The following ZNF44 variants were observed in gnomAD, a reference collection of about 807,000 sequenced individuals.
ZNF44 encodes the protein gonadotropin inducible transcription repressor-2.
A neutral mutation model predicts 11.7 loss-of-function variants in ZNF44; 9 were observed. That is an observed-to-expected ratio of 0.77 (90% CI 0.46 to 1.35). The LOEUF (loss-of-function observed/expected upper bound fraction) is 1.35. Among genes scored for constraint, ZNF44 ranks in the 40% most tolerant of loss-of-function variants. The pLI is 0.00. For synonymous variants in ZNF44, 224 were observed against 242.7 expected (o/e 0.92, Z 0.72); for missense variants, 696 against 743.1 (o/e 0.94, Z 0.74).
intron 5 of ZNF44, among the ~76,000 whole-genome samples, chr19:12,256,461 G>A (rs1421671209): frequency 6.6e-6 from 1 of 151,954 alleles, no homozygotes; most frequent in African/African-American, 2.4e-5. Flanking sequence ...CTCCAGCCTG[G>A]GTGACAGAGA....
chr19:12,250,484 T>C (rs1916948057), intron 5 of ZNF44: 1 of 948,292 alleles, frequency 1.1e-6, no homozygotes, highest in South Asian at 1.7e-5. Context: ...ATTTATTCTA[T>C]GAATTTGTTG....
rs1207723643 is a variant in ZNF44 at position 12,259,143 on chromosome 19, G to A, written c.1913-8775C>T. On this transcript the variant is annotated intron_variant and NMD_transcript_variant, in intron 5 of 7. Coordinates refer to the ZNF44 transcript ENST00000393337. ...ACCTACCTTGGCCTCCCAAAGTGCT[G>A]GGATTACAGGCATGAGCCACCGCAC... 3.3e-5 allele frequency among the ~76,000 whole-genome samples: 5 copies of A among 152,188 alleles called. No homozygotes were observed. In the East Asian group the frequency reaches 5.8e-4, roughly 18 times the overall value.
chr19:12,275,543 G>A (rs1285248648), intron 2 of ZNF44, among the ~76,000 whole-genome samples: 3 of 152,086 alleles, frequency 2.0e-5, no homozygotes, highest in African/African-American at 7.2e-5. Context: ...AGCTACTCAG[G>A]AGGCTGAGGC....
downstream of ZNF44, among the ~76,000 whole-genome samples, chr19:12,243,373 G>A (rs545108467): frequency 3.0e-4 from 45 of 152,188 alleles, no homozygotes; most frequent in Middle Eastern, 3.4e-3. Context: ...AGTAACCACC[G>A]TTCCTCCCTC....
In ZNF44 at chr19:12,293,476, G is replaced by GC. The variant is rs1555745796; in HGVS notation, c.3+1215_3+1216insG. The GC allele has an allele frequency of 4.9e-6, 6 of 1,223,442 alleles. No homozygotes were observed. In the East Asian group the frequency reaches 1.6e-4, roughly 32 times the overall value. The allele number at this position is 1,223,442 out of a possible 1,614,324, so 75.8% of individuals were successfully genotyped here. On this transcript the variant is annotated intron_variant, in intron 1 of 3. Transcript: ENST00000355684. ...GAGATAAAAGAGGCACAAAGGTTTG[G>GC]TTTTTTTTACAGCAGTGTCAGGTGG...
intron 3 of ZNF44, 39 bp downstream of exon 3, chr19:12,274,934 C>T (rs2459040): frequency 0.33 from 479,481 of 1,471,228 alleles, 82,567 homozygotes; most frequent in African/African-American, 0.62. Context: ...CTCAGAAACA[C>T]TGCAAGGACA....
chr19:12,267,529 G>A (rs886471148), downstream of ZNF44, among the ~76,000 whole-genome samples: 2 of 152,098 alleles, frequency 1.3e-5, no homozygotes, highest in East Asian at 1.9e-4. Context: ...CAAGGAAAAC[G>A]CCAAGTGACA....
intron 1 of ZNF44, among the ~76,000 whole-genome samples, chr19:12,288,222 T>C (rs1448022599): frequency 6.6e-6 from 1 of 152,184 alleles, no homozygotes; most frequent in Admixed American, 6.6e-5. Context: ...TACTATCAGA[T>C]TTAATAATTT....
At chr19:12,267,034 TTC>T (rs1005365790), downstream of ZNF44, among the ~76,000 whole-genome samples, 6 of 143,998 alleles carry the variant, frequency 4.2e-5, no homozygotes, top group African/African-American at 1.3e-4. Context: ...TACTCATTTT[TTC>T]TTTTTTCTTT....
rs1000096087 is a variant in ZNF44 at position 12,290,465 on chromosome 19, G to C, written c.3+4227C>G. 5.3e-5 allele frequency among the ~76,000 whole-genome samples: 8 copies of C among 149,934 alleles called. No individual in the cohort carries two copies. The South Asian group carries it at 1.5e-3, about 27-fold the overall frequency. On this transcript the variant is annotated intron_variant, in intron 1 of 3. Coordinates refer to ENST00000355684, the MANE Select transcript of ZNF44 (RefSeq NM_016264.4). Reference sequence around the variant, plus strand: ...CGCCTGTAATCCCAGCACTTTGGGAGGCCAAGGCCGGTGGATCACAAGGTC... The same window carrying C: ...CGCCTGTAATCCCAGCACTTTGGGACGCCAAGGCCGGTGGATCACAAGGTC...
chr19:12,235,981 A>G (rs566831119), intron 1 of ZNF44, among the ~76,000 whole-genome samples: 2 of 152,364 alleles, frequency 1.3e-5, no homozygotes, highest in East Asian at 3.9e-4. Context: ...CCCGAGTTTC[A>G]TGCACTTACT....
chr19:12,264,359 C>T (rs570565146), intron 5 of ZNF44, among the ~76,000 whole-genome samples: 43 of 152,288 alleles, frequency 2.8e-4, no homozygotes, highest in Middle Eastern at 6.8e-3. Context: ...TAATTACTTC[C>T]CTTGGCAGAG....
At chr19:12,265,029 C>T (rs1917670582) in intron 5 of ZNF44, among the ~76,000 whole-genome samples, 1 of 151,874 alleles carries the variant, frequency 6.6e-6, no homozygotes, top group African/African-American at 2.4e-5. Flanking sequence ...CATATTTTAA[C>T]ACACCTAGGA....
chr19:12,273,171 C>CTA lies in ZNF44; in HGVS notation c.1082_1083dup (p.Glu362Ter), dbSNP rs759369891. 6.2e-7 allele frequency: 1 copy of CTA among 1,613,950 alleles called. No homozygotes were observed. The highest frequency in any genetic ancestry group is 2.2e-5 in the East Asian group (1 of 44,880). ...CATTGCTTACATTCATAGGGTTTCT[C>CTA]TAGAGTGTGAGTTCCTTCATGAATT... On this transcript the variant is annotated frameshift_variant, in exon 4 of 4. Coordinates refer to ENST00000355684, the MANE Select transcript of ZNF44 (RefSeq NM_016264.4). LOFTEE classifies it low-confidence loss of function (END_TRUNC).
At chr19:12,284,899 C>T (rs1428485748) in intron 1 of ZNF44, 2 of 725,204 alleles carry the variant, frequency 2.8e-6, no homozygotes, top group Non-Finnish European at 4.9e-6. Context: ...ATCCCCGCAC[C>T]CAGGGACACT....
downstream of ZNF44, chr19:12,247,283 A>G: frequency 4.1e-6 from 5 of 1,225,980 alleles, no homozygotes; most frequent in Non-Finnish European, 5.2e-6. Context: ...GTTTCTATTC[A>G]GCGTGCACTT....
chr19:12,285,254 G>A (rs1967681890), intron 1 of ZNF44: 1 of 308,230 alleles, frequency 3.2e-6, no homozygotes, highest in African/African-American at 2.2e-5. Flanking sequence ...TGTATGCATT[G>A]TTTGTTTGTT....
At chr19:12,267,898 G>A (rs982993445), downstream of ZNF44, among the ~76,000 whole-genome samples, 2 of 150,360 alleles carry the variant, frequency 1.3e-5, no homozygotes, top group African/African-American at 4.9e-5. Flanking sequence ...GTACAGTGGT[G>A]TGATCTCGGT....
intron 1 of ZNF44, among the ~76,000 whole-genome samples, chr19:12,290,528 C>G (rs1191194108): frequency 6.6e-6 from 1 of 151,214 alleles, no homozygotes; most frequent in East Asian, 1.9e-4. Context: ...GGTGAAACCC[C>G]ATCGCTACTA....
Sources: allele counts gnomAD v4.1 joint callset (sites outside exome capture counted in the v4.1 genomes callset), GRCh38; gene constraint gnomAD v4.1.1; transcripts MANE v1.5; gene names NCBI Gene and HGNC (gene_info 2026-07-23, HGNC 2026-07-21).